The following ALK variants were observed in gnomAD, a reference collection of about 807,000 sequenced individuals.
The protein encoded by ALK is ALK tyrosine kinase receptor.
In ALK, 74 loss-of-function variants were observed where a neutral mutation model predicts 163.1. The ratio of observed to expected loss-of-function variants is 0.45; its 90% CI spans 0.38 to 0.55. ALK has a LOEUF of 0.55. Ranked by LOEUF, ALK falls within the 20% of genes least tolerant of loss-of-function variation. The pLI, the probability that ALK is intolerant of heterozygous loss-of-function variation, is 0.00. For missense variants in ALK, 2,063 were observed against 2,105.3 expected (o/e 0.98, Z 0.39); for synonymous variants, 960 against 843.2 (o/e 1.14, Z -2.40).
intron 4 of ALK, among the ~76,000 whole-genome samples, chr2:29,434,227 A>T (rs1306759023): frequency 6.6e-6 from 1 of 152,210 alleles, no homozygotes; most frequent in Admixed American, 6.5e-5. Flanking sequence ...TTATATATCT[A>T]TATGATACAC....
rs756452385 is a variant in ALK, at chr2:29,193,182, T to C, written c.*42A>G. 2.5e-5 allele frequency: 40 copies of C among 1,595,220 alleles called. No individual in the cohort carries two copies. The highest frequency in any genetic ancestry group is 5.0e-5 in the Admixed American group (3 of 59,760). ...GCCATTGCCTCTCTCTCCTCCACGG[T>C]CTTAGGGATCCCAAGGAAGAGAAGT... On this transcript the variant is annotated 3_prime_UTR_variant, in exon 29 of 29. Coordinates refer to ENST00000389048, the MANE Select transcript of ALK (RefSeq NM_004304.5).
At chr2:29,735,704 G>A (rs575833905) in intron 1 of ALK, among the ~76,000 whole-genome samples, 3 of 152,000 alleles carry the variant, frequency 2.0e-5, no homozygotes, top group Non-Finnish European at 2.9e-5. Context: ...TCATGATAGC[G>A]AGTGAATTCT....
At chr2:29,853,321 T>C (rs1441020299) in intron 1 of ALK, among the ~76,000 whole-genome samples, 1 of 152,090 alleles carries the variant, frequency 6.6e-6, no homozygotes, top group Non-Finnish European at 1.5e-5. Context: ...CCCACACCAG[T>C]CTTACCCATT....
intron 3 of ALK, among the ~76,000 whole-genome samples, chr2:29,570,703 C>T (rs900925671): frequency 3.3e-5 from 5 of 152,202 alleles, no homozygotes; most frequent in Non-Finnish European, 7.3e-5. Flanking sequence ...TTAGACGTTT[C>T]GCTCTCTCGA....
At chr2:29,332,948 A>C (rs1420055077) in intron 5 of ALK, among the ~76,000 whole-genome samples, 6 of 152,188 alleles carry the variant, frequency 3.9e-5, no homozygotes, top group African/African-American at 1.4e-4. Flanking sequence ...TGCTTTCTAG[A>C]AGTTAATCCA....
chr2:29,229,941 C>A, intron 15 of ALK, among the ~76,000 whole-genome samples: 1 of 152,278 alleles, frequency 6.6e-6, no homozygotes, highest in Non-Finnish European at 1.5e-5. Context: ...TGGGCTCTTA[C>A]AAAGGAAGCT....
intron 5 of ALK, among the ~76,000 whole-genome samples, chr2:29,335,594 C>T (rs1667586751): frequency 6.6e-6 from 1 of 152,136 alleles, no homozygotes; most frequent in Admixed American, 6.5e-5. Context: ...TGAGATGATC[C>T]GAGCTCGAGT....
At chr2:29,881,715 T>A (rs12478888) in intron 1 of ALK, among the ~76,000 whole-genome samples, 117,636 of 152,092 alleles carry the variant, frequency 0.77, 45,607 homozygotes, top group East Asian at 0.79. Context: ...CTGAAATGCC[T>A]CTTCCTCCAT....
intron 4 of ALK, among the ~76,000 whole-genome samples, chr2:29,406,898 C>A (rs1373991784): frequency 1.9e-3 from 251 of 133,352 alleles, no homozygotes; most frequent in Middle Eastern, 3.9e-3. Flanking sequence ...GACTCCATCT[C>A]AAAAAAAAAA....
chr2:29,311,125 G>A (rs1160165992), intron 8 of ALK, among the ~76,000 whole-genome samples: 4 of 152,250 alleles, frequency 2.6e-5, no homozygotes, highest in African/African-American at 9.6e-5. Flanking sequence ...AGTGTTAGCA[G>A]CTGCCAGGGC....
intron 1 of ALK, among the ~76,000 whole-genome samples, chr2:29,825,779 A>G (rs552280604): frequency 1.3e-5 from 2 of 152,254 alleles, no homozygotes; most frequent in Admixed American, 6.5e-5. Flanking sequence ...CAAAGAGGCC[A>G]GTGCAGTGGT....
intron 3 of ALK, among the ~76,000 whole-genome samples, chr2:29,546,950 C>T (rs1673571639): frequency 6.6e-6 from 1 of 152,180 alleles, no homozygotes; most frequent in Non-Finnish European, 1.5e-5. Context: ...AGCCATGCAG[C>T]TGAGAAGCAA....
At chr2:29,358,279 T>C (rs1450887428) in intron 5 of ALK, among the ~76,000 whole-genome samples, 1 of 152,252 alleles carries the variant, frequency 6.6e-6, no homozygotes, top group Non-Finnish European at 1.5e-5. Context: ...TTTTACCTTC[T>C]TTATTTAGAA....
intron 4 of ALK, among the ~76,000 whole-genome samples, chr2:29,461,551 G>T (rs976217796): frequency 6.6e-6 from 1 of 152,098 alleles, no homozygotes; most frequent in Non-Finnish European, 1.5e-5. Context: ...CTCTGCCTGT[G>T]CCCTATAAAT....
At chr2:29,674,605 A>C (rs1249084839) in intron 3 of ALK, among the ~76,000 whole-genome samples, 4 of 151,490 alleles carry the variant, frequency 2.6e-5, no homozygotes, top group African/African-American at 4.8e-5. Flanking sequence ...TTTTGCATCA[A>C]TGTTCATCAA....
chr2:29,257,763 C>A (rs1664986393), intron 11 of ALK, among the ~76,000 whole-genome samples: 1 of 152,214 alleles, frequency 6.6e-6, no homozygotes, highest in African/African-American at 2.4e-5. Flanking sequence ...GATGCTGTGG[C>A]ATACAGAGCC....
rs1666894456 is a variant in ALK, at chr2:29,318,342, C to T, written c.1609G>A (p.Ala537Thr). The change falls in exon 8 of 29, where the codon GCT becomes ACT. Residue 537 changes from alanine (A) to threonine (T), a missense_variant. This residue lies in a region of ALK where 987 missense variants were observed against 939.5 expected (regional missense o/e 1.05). Coordinates refer to ENST00000389048, the MANE Select transcript of ALK (RefSeq NM_004304.5). The part of the protein sequence containing the change: ...PASESATVTS[A>T]TFPAPIKSSP... ...CTCTTGATCGGTGCAGGAAACGTAG[C>T]ACTGGTCACTGTAGCACTTTCAGAA... 2 of 1,614,090 alleles carry T rather than the reference C, an allele frequency of 1.2e-6. No homozygotes were observed. The highest frequency in any genetic ancestry group is 4.5e-5 in the East Asian group (2 of 44,880).
intron 3 of ALK, among the ~76,000 whole-genome samples, chr2:29,690,538 CAAAACACCGG>C (rs1318844712): frequency 6.6e-6 from 1 of 152,108 alleles, no homozygotes; most frequent in African/African-American, 2.4e-5. Context: ...GACTATATTC[CAAAACACCGG>C]AAGCAGTTAG....
At position 29,906,785 on chromosome 2, in the gene ALK, A is replaced by G. The variant is rs111748919; in HGVS notation, c.667+13208T>C. Among the ~76,000 whole-genome samples the G allele has an allele frequency of 1.4e-3, 215 of 152,296 alleles. 1 individual carries two copies. Among genetic ancestry groups the G allele is most frequent in the African/African-American group, 5.0e-3 (207 of 41,570 alleles). On this transcript the variant is annotated intron_variant, in intron 1 of 28. Coordinates refer to ENST00000389048, the MANE Select transcript of ALK (RefSeq NM_004304.5). ...GACTAAATAAAGCAGTCTATGTCAA[A>G]CTGTTCAATGGTAGCTGTTATCATT... is the stretch of plus-strand genomic sequence containing the variant.
Sources: allele counts gnomAD v4.1 joint callset (sites outside exome capture counted in the v4.1 genomes callset), GRCh38; gene constraint gnomAD v4.1.1; regional missense constraint gnomAD v4.1.1; transcripts MANE v1.5; gene names NCBI Gene and HGNC (gene_info 2026-07-23, HGNC 2026-07-21).